The following ABCA4 variants were observed in gnomAD, a reference collection of about 807,000 sequenced individuals.
The protein encoded by ABCA4 is retinal-specific phospholipid-transporting ATPase ABCA4.
ABCA4 carries 196 observed loss-of-function variants against 263.7 expected under a neutral mutation model. The ratio of observed to expected loss-of-function variants is 0.74; its 90% CI spans 0.66 to 0.84. The LOEUF is 0.84. Among genes scored for constraint, ABCA4 ranks in the 40% least tolerant of loss-of-function variants. The pLI, the probability that ABCA4 is intolerant of heterozygous loss-of-function variation, is 0.00. For synonymous variants in ABCA4, 1,133 were observed against 1,094.2 expected, an observed-to-expected ratio of 1.04 and a Z score of -0.70; for missense variants, 2,792 against 2,855.1, an observed-to-expected ratio of 0.98 and a Z score of 0.50.
At chr1:93,993,607 G>C (rs926313696) in intron 49 of ABCA4, among the ~76,000 whole-genome samples, 1 of 152,098 alleles carries the variant, frequency 6.6e-6, no homozygotes, top group African/African-American at 2.4e-5. Flanking sequence ...TAAAAGCCAA[G>C]AAATCCTAAT....
chr1:94,065,527 G>A (rs1661247556), intron 11 of ABCA4, among the ~76,000 whole-genome samples: 1 of 152,184 alleles, frequency 6.6e-6, no homozygotes, highest in Admixed American at 6.5e-5. Context: ...GTATGCACCG[G>A]AAGCCTCTGG....
intron 14 of ABCA4, among the ~76,000 whole-genome samples, chr1:94,058,592 C>A (rs1465325473): frequency 2.6e-5 from 4 of 152,220 alleles, no homozygotes; most frequent in African/African-American, 9.6e-5. Flanking sequence ...GAACTCCTGA[C>A]CTGAAGTGAT....
Position 94,024,476 on chromosome 1 carries a change from G to A in ABCA4, c.4634+478C>T, listed in dbSNP as rs7535837. Among the ~76,000 whole-genome samples the A allele has an allele frequency of 1.1e-4, 16 of 152,252 alleles. No homozygotes were observed. In the East Asian group the frequency reaches 1.9e-3, roughly 18 times the overall value. Reference sequence around the variant, plus strand: ...TGCAGTTGACCTGGCTCGCCCTGGCGTGTGCTGGACTCAGACACTGTCCCG... The same window carrying A: ...TGCAGTTGACCTGGCTCGCCCTGGCATGTGCTGGACTCAGACACTGTCCCG... On this transcript the variant is annotated intron_variant, in intron 31 of 49. Transcript: ENST00000370225.
At chr1:94,030,140 T>C (rs1210126490) in intron 29 of ABCA4, among the ~76,000 whole-genome samples, 1 of 152,172 alleles carries the variant, frequency 6.6e-6, no homozygotes, top group Non-Finnish European at 1.5e-5. Context: ...CCCTCCCTGC[T>C]CAGAGGCCTT....
intron 8 of ABCA4, 32 bp downstream of exon 8, chr1:94,080,446 G>T: frequency 6.2e-7 from 1 of 1,613,768 alleles, no homozygotes; most frequent in Non-Finnish European, 8.5e-7. Context: ...AACATGAGAG[G>T]CCAATTTATA....
intron 44 of ABCA4, among the ~76,000 whole-genome samples, chr1:94,002,402 G>A (rs1208131373): frequency 1.3e-5 from 2 of 152,350 alleles, no homozygotes; most frequent in South Asian, 2.1e-4. Flanking sequence ...TTGTGCATCC[G>A]ACACATACCT....
At chr1:94,086,730 C>T (rs1367122235) in intron 6 of ABCA4, among the ~76,000 whole-genome samples, 2 of 152,144 alleles carry the variant, frequency 1.3e-5, no homozygotes, top group Non-Finnish European at 2.9e-5. Flanking sequence ...ATTGACAATT[C>T]CACAGACCTC....
chr1:94,081,867 TGCTTTAGGGGAAAATA>T (rs1432251771), intron 7 of ABCA4, among the ~76,000 whole-genome samples: 1 of 152,270 alleles, frequency 6.6e-6, no homozygotes, highest in Non-Finnish European at 1.5e-5. Flanking sequence ...CATTTGGCTT[TGCTTTAGGGGAAAATA>T]CGAAATTAAA....
In ABCA4 at chr1:94,042,782, G is replaced by C. The variant is rs1424302918; in HGVS notation, c.3307C>G (p.Leu1103Val). The change falls in exon 22 of 50, where the codon CTG becomes GTG. Residue 1103 changes from leucine (L) to valine (V), a missense_variant. By Grantham distance (32) the Leu-to-Val change is conservative. Coordinates refer to ENST00000370225, the MANE Select transcript of ABCA4 (RefSeq NM_000350.3). ...TTACCTGAGCGATACTTCAGGAGCAGATCCCAGATTGAGCGTCTCGAGTAA... is the reference window on the plus strand; with the variant it reads ...TTACCTGAGCGATACTTCAGGAGCACATCCCAGATTGAGCGTCTCGAGTAA... ...DPYSRRSIWDLLLKYRSGRTI... is the reference protein window; with the variant it reads ...DPYSRRSIWDVLLKYRSGRTI... 1 of 1,614,100 alleles carries C rather than the reference G, an allele frequency of 6.2e-7. No individual in the cohort carries two copies. The highest frequency in any genetic ancestry group is 2.2e-5 in the East Asian group (1 of 44,882).
At chr1:94,067,843 T>C (rs559398937) in intron 11 of ABCA4, among the ~76,000 whole-genome samples, 1 of 152,326 alleles carries the variant, frequency 6.6e-6, no homozygotes, top group South Asian at 2.1e-4. Context: ...CCAAGTTCAC[T>C]TAGGAGACAC....
intron 26 of ABCA4, among the ~76,000 whole-genome samples, chr1:94,033,811 G>A (rs145157478): frequency 1.4e-4 from 22 of 152,222 alleles, no homozygotes; most frequent in Admixed American, 2.6e-4. Context: ...GCAGGTTCTC[G>A]GTGCCAGAGC....
intron 4 of ABCA4, among the ~76,000 whole-genome samples, chr1:94,106,852 C>G (rs1389300470): frequency 1.3e-5 from 2 of 152,052 alleles, no homozygotes; most frequent in Admixed American, 6.5e-5. Context: ...TCCTGAATCC[C>G]CTCCTTCCCT....
intron 5 of ABCA4, among the ~76,000 whole-genome samples, chr1:94,102,750 C>A (rs1284127360): frequency 6.6e-6 from 1 of 152,082 alleles, no homozygotes; most frequent in East Asian, 1.9e-4. Context: ...AAGGTTGTGC[C>A]CCATGATCTC....
At chr1:94,018,874 ATATT>A (rs1246879250) in intron 36 of ABCA4, among the ~76,000 whole-genome samples, 1 of 151,434 alleles carries the variant, frequency 6.6e-6, no homozygotes, top group Non-Finnish European at 1.5e-5. Flanking sequence ...GATTTAATAA[ATATT>A]TTTTCTTCAT....
At chr1:94,046,437 G>C (rs1214710923) in intron 19 of ABCA4, among the ~76,000 whole-genome samples, 5 of 54,958 alleles carry the variant, frequency 9.1e-5, no homozygotes, top group Non-Finnish European at 2.3e-4. Flanking sequence ...CCTCCAGCAT[G>C]GGTAATGGTT....
chr1:94,096,311 C>A (rs753376483), intron 6 of ABCA4, among the ~76,000 whole-genome samples: 1 of 152,108 alleles, frequency 6.6e-6, no homozygotes, highest in Non-Finnish European at 1.5e-5. Flanking sequence ...TAAAAGCTAC[C>A]GCTCGGGGGG....
chr1:94,015,929 GC>G, intron 36 of ABCA4, 75 bp from the exon 37 acceptor site: 1 of 1,272,098 alleles, frequency 7.9e-7, no homozygotes, highest in Non-Finnish European at 1.1e-6. Context: ...GAGGGGTGGG[GC>G]CAGGCTCCTC....
chr1:94,059,757 A>C (rs1385540485), intron 14 of ABCA4: 2 of 152,456 alleles, frequency 1.3e-5, no homozygotes, highest in African/African-American at 4.8e-5. Context: ...CACCCAATAA[A>C]ATATAAAAAA....
At chr1:94,071,095 T>C (rs1001504993) in intron 11 of ABCA4, among the ~76,000 whole-genome samples, 1 of 152,214 alleles carries the variant, frequency 6.6e-6, no homozygotes, top group African/African-American at 2.4e-5. Context: ...TATGATGTTT[T>C]GAATTGGATT....
Sources: allele counts gnomAD v4.1 joint callset (sites outside exome capture counted in the v4.1 genomes callset), GRCh38; gene constraint gnomAD v4.1.1; transcripts MANE v1.5; gene names NCBI Gene and HGNC (gene_info 2026-07-23, HGNC 2026-07-21).